UFL1: variants seen among roughly 807,000 people sequenced by gnomAD.
UFL1 encodes UFM1 specific ligase 1.
A neutral mutation model predicts 99.3 loss-of-function variants in UFL1; 78 were observed. That is an observed-to-expected ratio of 0.79 (90% CI 0.65 to 0.95). The LOEUF (loss-of-function observed/expected upper bound fraction) is 0.95, where lower values mean the gene tolerates loss of function less well. Ranked by LOEUF, UFL1 falls within the 40% of genes least tolerant of loss-of-function variation. The pLI is 0.00. For missense variants in UFL1, 936 were observed against 937.0 expected (o/e 1.00, Z 0.01); for synonymous variants, 335 against 322.2 (o/e 1.04, Z -0.42).
Position 96,521,861 on chromosome 6 carries a change from G to C in UFL1, c.-13G>C. 6.2e-7 allele frequency: 1 copy of C among 1,610,152 alleles called. No individual in the cohort carries two copies. The highest frequency in any genetic ancestry group is 8.5e-7 in the Non-Finnish European group (1 of 1,178,768). On this transcript the variant is annotated 5_prime_UTR_variant, in exon 1 of 19. Transcript: ENST00000369278. ...TCTGCAGTTCCTCCGCGTCTACTGCGAGTCAGGCCGTGATGGCGGACGCCT... is the reference window on the plus strand; with the variant it reads ...TCTGCAGTTCCTCCGCGTCTACTGCCAGTCAGGCCGTGATGGCGGACGCCT...
chr6:96,530,644 G>GCTA lies in UFL1; in HGVS notation c.596+2012_596+2013insCTA, dbSNP rs536989615. On this transcript the variant is annotated intron_variant, in intron 6 of 18. Transcript: ENST00000369278. ...TCATACTGGCCCTGATTTAGCTAGT[G>GCTA]GTAGCGCCTGCAGGTTGCCTTTTGC... Among the ~76,000 whole-genome samples the GCTA allele has an allele frequency of 1.2e-4, 18 of 152,216 alleles. 1 individual carries two copies. The South Asian group carries it at 3.1e-3, about 26-fold the overall frequency.
At chr6:96,548,491 T>C (rs573874869) in intron 13 of UFL1, among the ~76,000 whole-genome samples, 13 of 151,682 alleles carry the variant, frequency 8.6e-5, no homozygotes, top group African/African-American at 2.9e-4. Context: ...TAAAGCAGTA[T>C]GGGAAATAAA....
At position 96,549,775 on chromosome 6, in the gene UFL1, C is replaced by A; in HGVS notation, c.1794C>A (p.Asp598Glu). Residue 598 changes from aspartate to glutamate, a missense_variant, in exon 15 of 19, where the codon GAC (aspartate) becomes GAA (glutamate). Asp to Glu is a conservative substitution (Grantham distance 45). Transcript: ENST00000369278. Reference protein sequence around the residue: ...FLASDLMMAVDDPAAITSEIR... With the variant: ...FLASDLMMAVEDPAAITSEIR... ...CTTCGGATTTAATGATGGCAGTAGA[C>A]GATCCTGCAGCCATTACAAGTGAAG... The A allele has an allele frequency of 1.2e-6, 2 of 1,611,780 alleles. No homozygotes were observed. Among genetic ancestry groups the A allele is most frequent in the Middle Eastern group, 1.7e-4 (1 of 6,038 alleles).
Position 96,548,247 on chromosome 6 carries a change from G to A in UFL1, c.1486G>A (p.Glu496Lys), listed in dbSNP as rs746345985. Reference protein sequence around the residue: ...LRKHIQDAPEEFISELAEYLI... With the variant: ...LRKHIQDAPEKFISELAEYLI... ...AAAACACATACAAGATGCCCCTGAG[G>A]AGTTTATTTCGGAACTTGCTGAGTA... Residue 496 changes from glutamate to lysine, a missense_variant, in exon 13 of 19, where the codon GAG becomes AAG. Glu to Lys is a moderately conservative substitution (Grantham distance 56). Transcript: ENST00000369278. 1.2e-6 allele frequency: 2 copies of A among 1,604,412 alleles called. No homozygotes were observed. Among genetic ancestry groups the A allele is most frequent in the Admixed American group, 3.4e-5 (2 of 58,242 alleles).
intron 11 of UFL1, among the ~76,000 whole-genome samples, chr6:96,540,953 T>C (rs923430484): frequency 6.6e-6 from 1 of 151,456 alleles, no homozygotes; most frequent in Admixed American, 6.6e-5. Context: ...TGTTTTGTTT[T>C]GTTTTGTTTT....
At chr6:96,531,090 G>A (rs1298615277) in intron 6 of UFL1, among the ~76,000 whole-genome samples, 1 of 152,222 alleles carries the variant, frequency 6.6e-6, no homozygotes, top group Non-Finnish European at 1.5e-5. Flanking sequence ...TTGGTTGCAC[G>A]CTCTTTATGA....
chr6:96,542,930 A>G lies in UFL1; in HGVS notation c.1316A>G (p.Asn439Ser). The stretch of plus-strand genomic sequence containing the variant: ...AGCATGAGAGGAGGAGGTGGGGGCA[A>G]TGCCAGAGAGTACAAAATTAAAAAA... Reference protein sequence around the residue: ...SGSMRGGGGGNAREYKIKKVK... With the variant: ...SGSMRGGGGGSAREYKIKKVK... Residue 439 changes from asparagine (N) to serine (S), a missense_variant, in exon 12 of 19, where the codon AAT (asparagine) becomes AGT (serine). Physicochemically the swap from Asn to Ser is conservative, Grantham distance 46 (BLOSUM62 1). Transcript: ENST00000369278. The G allele has an allele frequency of 6.2e-7, 1 of 1,601,088 alleles. No homozygotes were observed. Among genetic ancestry groups the G allele is most frequent in the Middle Eastern group, 1.7e-4 (1 of 6,004 alleles).
Position 96,548,198 on chromosome 6 carries a change from G to C in UFL1, c.1437G>C (p.Gln479His), listed in dbSNP as rs754811782. Reference protein sequence around the residue: ...KKKPEISFMFQDEIEDFLRKH... With the variant: ...KKKPEISFMFHDEIEDFLRKH... ...AGCCAGAGATCAGTTTTATGTTCCA[G>C]GATGAGATTGAAGATTTTTTAAGAA... is the stretch of plus-strand genomic sequence containing the variant. Residue 479 changes from glutamine (Q) to histidine (H), a missense_variant, in exon 13 of 19, where the codon CAG (glutamine) becomes CAC (histidine). Physicochemically the swap from Gln to His is conservative, Grantham distance 24. Coordinates refer to ENST00000369278, the MANE Select transcript of UFL1 (RefSeq NM_015323.5). The C allele has an allele frequency of 3.1e-6, 5 of 1,605,488 alleles. No individual in the cohort carries two copies. Among genetic ancestry groups the C allele is most frequent in the South Asian group, 2.2e-5 (2 of 90,048 alleles).
chr6:96,534,684 G>T (rs182347558), intron 7 of UFL1, among the ~76,000 whole-genome samples: 1 of 151,892 alleles, frequency 6.6e-6, no homozygotes, highest in East Asian at 1.9e-4. Context: ...AAAGTAAATT[G>T]TGTTTCACTA....
intron 5 of UFL1, among the ~76,000 whole-genome samples, chr6:96,527,812 AC>A (rs1562251086): frequency 6.6e-6 from 1 of 152,180 alleles, no homozygotes; most frequent in South Asian, 2.1e-4. Context: ...TTTGAAAAAA[AC>A]ATTTTTCTAT....
intron 16 of UFL1, 59 bp downstream of exon 16, chr6:96,551,572 T>G (rs1434972860): frequency 8.4e-7 from 1 of 1,192,032 alleles, no homozygotes; most frequent in African/African-American, 1.6e-5. Context: ...CAAAGATCTT[T>G]GAGTAGATTT....
intron 13 of UFL1, 22 bp from the exon 14 acceptor site, chr6:96,549,390 A>T: frequency 6.4e-7 from 1 of 1,560,566 alleles, no homozygotes; most frequent in Non-Finnish European, 8.6e-7. Flanking sequence ...TAATAAACTA[A>T]ATATATTTGT....
intron 7 of UFL1, among the ~76,000 whole-genome samples, chr6:96,534,581 T>A (rs1374032619): frequency 4.0e-5 from 6 of 151,830 alleles, no homozygotes; most frequent in East Asian, 1.9e-4. Context: ...TCTCACACAC[T>A]CTATTATACA....
Position 96,554,983 on chromosome 6 carries a change from C to CAA in UFL1, c.*1482_*1483dup, listed in dbSNP as rs1770134822. The CAA allele has an allele frequency of 6.6e-6, 1 of 152,362 alleles. No homozygotes were observed. The highest frequency in any genetic ancestry group is 6.6e-5 in the Admixed American group (1 of 15,234). 9.4% of individuals were successfully genotyped at this position (152,362 alleles called of 1,614,324 possible). On this transcript the variant is annotated 3_prime_UTR_variant, in exon 19 of 19. Coordinates refer to ENST00000369278, the MANE Select transcript of UFL1 (RefSeq NM_015323.5). ...TTATCATTTATGTTTCAGTAGATATCAAAGTAATCCATGTTTGTGTCAAAT... is the reference window on the plus strand; with the variant it reads ...TTATCATTTATGTTTCAGTAGATATCAAAAAGTAATCCATGTTTGTGTCAAAT...
chr6:96,528,104 C>A (rs1225482493), intron 5 of UFL1, among the ~76,000 whole-genome samples: 1 of 152,156 alleles, frequency 6.6e-6, no homozygotes, highest in Non-Finnish European at 1.5e-5. Flanking sequence ...ATTAGAAGCT[C>A]CAGAAAGGGT....
intron 13 of UFL1, among the ~76,000 whole-genome samples, chr6:96,549,033 GT>G (rs901511279): frequency 1.3e-5 from 2 of 151,570 alleles, no homozygotes; most frequent in African/African-American, 2.4e-5. Flanking sequence ...GCATAAAAAG[GT>G]TTTTTTAAAT....
chr6:96,533,595 A>G (rs1195679810), intron 6 of UFL1, among the ~76,000 whole-genome samples: 1 of 151,974 alleles, frequency 6.6e-6, no homozygotes, highest in Non-Finnish European at 1.5e-5. Context: ...GCAGATAGCT[A>G]TCAAGTAACT....
intron 11 of UFL1, among the ~76,000 whole-genome samples, chr6:96,542,406 G>A (rs1158008450): frequency 1.3e-5 from 2 of 151,320 alleles, no homozygotes; most frequent in African/African-American, 4.8e-5. Flanking sequence ...TAGCAGATGA[G>A]TCAGGATATC....
At chr6:96,527,349 A>G (rs2127949092) in intron 5 of UFL1, among the ~76,000 whole-genome samples, 1 of 152,226 alleles carries the variant, frequency 6.6e-6, no homozygotes, top group African/African-American at 2.4e-5. Flanking sequence ...ATCTAGTGAA[A>G]TATCTTAACA....
Sources: gnomAD v4.1 joint callset for allele counts (sites outside exome capture counted in the v4.1 genomes callset) on GRCh38, gnomAD v4.1.1 for gene constraint, MANE v1.5 for transcripts, NCBI Gene and HGNC (gene_info 2026-07-23, HGNC 2026-07-21) for gene names.